The following CD2AP variants were observed in gnomAD, a reference collection of about 807,000 sequenced individuals.
The protein encoded by CD2AP is CD2 associated protein, also known as CD2-associated protein.
A neutral mutation model predicts 85.1 loss-of-function variants in CD2AP; 46 were observed. That is an observed-to-expected ratio of 0.54 (90% CI 0.43 to 0.69). CD2AP has a LOEUF of 0.69. CD2AP is among the 30% of genes least tolerant of loss of function. The pLI, the probability that CD2AP is intolerant of heterozygous loss-of-function variation, is 0.00. For missense variants in CD2AP, 769 were observed against 729.5 expected, an observed-to-expected ratio of 1.05 and a Z score of -0.62; for synonymous variants, 255 against 252.9, an observed-to-expected ratio of 1.01 and a Z score of -0.08.
In CD2AP at chr6:47,533,729, A is replaced by G. The variant is rs776473074; in HGVS notation, c.293A>G (p.His98Arg). ...CTTCCAGCTGGAGGAATTCAGCCAC[A>G]TCCACAAACCAAAAACATTAAGAAG... is the stretch of plus-strand genomic sequence containing the variant. Reference protein sequence around the residue: ...YGLPAGGIQPHPQTKNIKKKT... With the variant: ...YGLPAGGIQPRPQTKNIKKKT... The change falls in exon 3 of 18, where the codon CAT becomes CGT. Residue 98 changes from histidine to arginine, a missense_variant. Physicochemically the swap from His to Arg is conservative, Grantham distance 29. Transcript: ENST00000359314. The G allele has an allele frequency of 1.2e-6, 2 of 1,614,120 alleles. No homozygotes were observed. Among genetic ancestry groups the G allele is most frequent in the South Asian group, 1.1e-5 (1 of 91,074 alleles).
intron 5 of CD2AP, among the ~76,000 whole-genome samples, chr6:47,571,700 A>G (rs150226591): frequency 1.7e-3 from 260 of 152,216 alleles, no homozygotes; most frequent in African/African-American, 6.0e-3. Flanking sequence ...AGAAAGAGCA[A>G]TTACTAGGGG....
In CD2AP at chr6:47,561,550, T is replaced by C. The variant is rs74548705; in HGVS notation, c.541+6784T>C. 3.9e-5 allele frequency among the ~76,000 whole-genome samples: 6 copies of C among 152,194 alleles called. No homozygotes were observed. The East Asian group carries it at 1.2e-3, about 29-fold the overall frequency. ...GGTGTGGTCATTGCTACTGGGGTAA[T>C]GCTTCTGAGCCTGCTTAGTGGATTA... is the stretch of plus-strand genomic sequence containing the variant. On this transcript the variant is annotated intron_variant, in intron 5 of 17. Coordinates refer to ENST00000359314, the MANE Select transcript of CD2AP (RefSeq NM_012120.3).
chr6:47,522,257 A>G (rs1250924305), intron 2 of CD2AP, among the ~76,000 whole-genome samples: 1 of 152,174 alleles, frequency 6.6e-6, no homozygotes, highest in Non-Finnish European at 1.5e-5. Flanking sequence ...CAGCGGAATG[A>G]TATCAAAAGA....
At position 47,566,319 on chromosome 6, in the gene CD2AP, T is replaced by TACAC. The variant is rs1309122024; in HGVS notation, c.542-7744_542-7743insCACA. Among the ~76,000 whole-genome samples the TACAC allele has an allele frequency of 8.0e-5, 8 of 100,462 alleles. 1 individual carries two copies. Among genetic ancestry groups the TACAC allele is most frequent in the Admixed American group, 1.9e-4 (2 of 10,692 alleles). 65.9% of individuals were successfully genotyped at this position (100,462 alleles called of 152,430 possible). On this transcript the variant is annotated intron_variant, in intron 5 of 17. Coordinates refer to ENST00000359314, the MANE Select transcript of CD2AP (RefSeq NM_012120.3). ...TCATTAGAATATATATATATATATATATATACACATACACATATATATATA... is the reference window on the plus strand; with the variant it reads ...TCATTAGAATATATATATATATATATACACATATACACATACACATATATATATA...
At position 47,567,397 on chromosome 6, in the gene CD2AP, A is replaced by G. The variant is rs116419913; in HGVS notation, c.542-6667A>G. ...CAGCATTCATATATTTATTCATTCAATATATTGAGTGCCTTTTGTTAATGT... is the reference window on the plus strand; with the variant it reads ...CAGCATTCATATATTTATTCATTCAGTATATTGAGTGCCTTTTGTTAATGT... On this transcript the variant is annotated intron_variant, in intron 5 of 17. Transcript: ENST00000359314. Among the ~76,000 whole-genome samples, 620 of 152,282 alleles carry G rather than the reference A, an allele frequency of 4.1e-3. 2 individuals carry two copies. Among genetic ancestry groups the G allele is most frequent in the African/African-American group, 0.014 (566 of 41,564 alleles).
At chr6:47,599,528 G>C in intron 13 of CD2AP, 85 bp downstream of exon 13, 1 of 1,224,020 alleles carries the variant, frequency 8.2e-7, no homozygotes, top group Non-Finnish European at 1.2e-6. Flanking sequence ...TGCAATTTGT[G>C]TGTGGATAAA....
At chr6:47,512,335 C>G (rs1190665148) in intron 2 of CD2AP, among the ~76,000 whole-genome samples, 1 of 152,082 alleles carries the variant, frequency 6.6e-6, no homozygotes, top group African/African-American at 2.4e-5. Flanking sequence ...GAACGAGACT[C>G]TGTCTCAAAA....
chr6:47,578,498 AC>A (rs1359083686), intron 8 of CD2AP, among the ~76,000 whole-genome samples: 1 of 152,150 alleles, frequency 6.6e-6, no homozygotes. Context: ...CAAAGCATGA[AC>A]CACTGTGCCT....
intron 1 of CD2AP, among the ~76,000 whole-genome samples, chr6:47,496,410 T>G (rs1047963403): frequency 3.9e-5 from 6 of 152,184 alleles, no homozygotes; most frequent in African/African-American, 1.4e-4. Flanking sequence ...AGTTTAATAT[T>G]ACAAACTTAA....
In CD2AP at chr6:47,618,391, A is replaced by G. The variant is rs373037538; in HGVS notation, c.1879-5795A>G. Among the ~76,000 whole-genome samples, 14 of 152,088 alleles carry G rather than the reference A, an allele frequency of 9.2e-5. No homozygotes were observed. In the East Asian group the frequency reaches 9.6e-4, roughly 10 times the overall value. ...AGAGATGTATATATAATAACTTCCT[A>G]TATTTTCACTGTTAGGGTATGTACT... On this transcript the variant is annotated intron_variant, in intron 17 of 17. Transcript: ENST00000359314.
chr6:47,530,681 A>G (rs981675313), intron 2 of CD2AP, among the ~76,000 whole-genome samples: 2 of 152,222 alleles, frequency 1.3e-5, no homozygotes, highest in African/African-American at 4.8e-5. Context: ...CTGTGAGAAC[A>G]AAAGACAGTC....
At chr6:47,542,752 G>A (rs906367935) in intron 3 of CD2AP, among the ~76,000 whole-genome samples, 3 of 152,140 alleles carry the variant, frequency 2.0e-5, no homozygotes, top group African/African-American at 7.2e-5. Context: ...CAGATACCTA[G>A]AATAAGCCTG....
chr6:47,583,693 A>G (rs1768543884), intron 11 of CD2AP, among the ~76,000 whole-genome samples: 1 of 152,144 alleles, frequency 6.6e-6, no homozygotes, highest in African/African-American at 2.4e-5. Context: ...GATTGCTTCT[A>G]AGTTTTGGCA....
Position 47,608,008 on chromosome 6 carries a change from G to T in CD2AP, c.1612G>T (p.Asp538Tyr), listed in dbSNP as rs762462951. ...CCTGAAGCCATCTGAATTAAAAAAA[G>T]ATACATGCTACTCTCCAAAGGTGAG... Reference protein sequence around the residue: ...ANLKPSELKKDTCYSPKPSVY... With the variant: ...ANLKPSELKKYTCYSPKPSVY... Residue 538 changes from aspartate (D) to tyrosine (Y), a missense_variant, in exon 15 of 18, where the codon GAT becomes TAT. Asp to Tyr is a radical substitution (Grantham distance 160). Transcript: ENST00000359314. The T allele has an allele frequency of 2.3e-5, 37 of 1,611,726 alleles. No homozygotes were observed. Among genetic ancestry groups the T allele is most frequent in the Non-Finnish European group, 3.1e-5 (37 of 1,178,266 alleles).
At position 47,590,577 on chromosome 6, in the gene CD2AP, G is replaced by T. The variant is rs111270386; in HGVS notation, c.1109-5284G>T. On this transcript the variant is annotated intron_variant, in intron 11 of 17. Transcript: ENST00000359314. ...ACAGTATTTGTGAGAATACAAAACCGCATATGAGGAGAGCCAACTTTTGTG... is the reference window on the plus strand; with the variant it reads ...ACAGTATTTGTGAGAATACAAAACCTCATATGAGGAGAGCCAACTTTTGTG... Among the ~76,000 whole-genome samples the T allele has an allele frequency of 7.8e-3, 1,186 of 152,108 alleles. 4 individuals carry two copies. Among genetic ancestry groups the T allele is most frequent in the Non-Finnish European group, 0.012 (846 of 67,996 alleles).
At chr6:47,549,836 A>C (rs1366179935) in intron 4 of CD2AP, among the ~76,000 whole-genome samples, 2 of 152,214 alleles carry the variant, frequency 1.3e-5, no homozygotes, top group African/African-American at 4.8e-5. Context: ...TCACCAAAAC[A>C]GCATGGTACT....
Position 47,576,622 on chromosome 6 carries a change from T to A in CD2AP, c.808+20T>A. On this transcript the variant is annotated intron_variant, in intron 7 of 17. Transcript: ENST00000359314. ...TTAAAGGTATGTTTTTGAATAAAGCTTTCATATTGGGAATAGTAGAAACAT... is the reference window on the plus strand; with the variant it reads ...TTAAAGGTATGTTTTTGAATAAAGCATTCATATTGGGAATAGTAGAAACAT... 6.6e-7 allele frequency: 1 copy of A among 1,505,292 alleles called. No homozygotes were observed. The allele number at this position is 1,505,292 out of a possible 1,614,324, so 93.2% of individuals were successfully genotyped here.
At chr6:47,561,216 A>G (rs1042479835) in intron 5 of CD2AP, among the ~76,000 whole-genome samples, 4 of 152,222 alleles carry the variant, frequency 2.6e-5, no homozygotes, top group African/African-American at 9.7e-5. Context: ...GTATAAATCC[A>G]TGAAAACATG....
At chr6:47,575,815 T>A (rs1768292651) in intron 6 of CD2AP, among the ~76,000 whole-genome samples, 1 of 152,196 alleles carries the variant, frequency 6.6e-6, no homozygotes, top group Non-Finnish European at 1.5e-5. Context: ...ATCATTTACA[T>A]TCAGATAGCA....
Sources: gnomAD v4.1 joint callset for allele counts (sites outside exome capture counted in the v4.1 genomes callset) on GRCh38, gnomAD v4.1.1 for gene constraint, MANE v1.5 for transcripts, NCBI Gene and HGNC (gene_info 2026-07-23, HGNC 2026-07-21) for gene names.